The following UQCRB variants were observed in gnomAD, a reference collection of about 807,000 sequenced individuals.
UQCRB encodes cytochrome b-c1 complex subunit 7.
In UQCRB, 12 loss-of-function variants were observed where a neutral mutation model predicts 19.8. That is an observed-to-expected ratio of 0.61 (90% CI 0.39 to 0.98). The LOEUF (loss-of-function observed/expected upper bound fraction) is 0.98. UQCRB is among the 50% of genes least tolerant of loss of function. The pLI, the probability that UQCRB is intolerant of heterozygous loss-of-function variation, is 0.00. For synonymous variants in UQCRB, 39 were observed against 42.9 expected, an observed-to-expected ratio of 0.91 and a Z score of 0.35; for missense variants, 142 against 131.8, an observed-to-expected ratio of 1.08 and a Z score of -0.38.
Position 96,231,877 on chromosome 8 carries a change from G to A in UQCRB, c.155C>T (p.Pro52Leu). Reference protein sequence around the residue: ...EDVKEAIRRLPENLYNDRMFR... With the variant: ...EDVKEAIRRLLENLYNDRMFR... ...CATCCTGTCATTATAAAGGTTCTCA[G>A]GAAGTCTTCTTATGGCTTCTTTTAC... The change falls in exon 3 of 4, where the codon CCT becomes CTT. Residue 52 changes from proline (P) to leucine (L), a missense_variant. Around this residue, in one of 2 missense-constraint regions of UQCRB, gnomAD observed 132 missense variants for 107.5 expected, o/e 1.23. Coordinates refer to ENST00000287022, the MANE Select transcript of UQCRB (RefSeq NM_006294.5). 6.2e-7 allele frequency: 1 copy of A among 1,614,018 alleles called. No homozygotes were observed. Among genetic ancestry groups the A allele is most frequent in the Non-Finnish European group, 8.5e-7 (1 of 1,180,016 alleles).
At chr8:96,233,447 T>C in intron 1 of UQCRB, 1 of 514,990 alleles carries the variant, frequency 1.9e-6, no homozygotes, top group South Asian at 2.5e-5. Context: ...AAAGTGCTTA[T>C]TTTATTTATG....
chr8:96,228,025 T>A lies in UQCRB; in HGVS notation c.*3030A>T, dbSNP rs1235069894. The A allele has an allele frequency of 2.2e-6, 1 of 454,088 alleles. No homozygotes were observed. Among genetic ancestry groups the A allele is most frequent in the East Asian group, 7.0e-5 (1 of 14,382 alleles). The allele number at this position is 454,088 out of a possible 1,614,324, so 28.1% of individuals were successfully genotyped here. On this transcript the variant is annotated 3_prime_UTR_variant, in exon 4 of 4. Transcript: ENST00000287022. ...CTGGAACTAGGACCACAGCTGGCAA[T>A]TGGGGGTCTGAAGGCCCGACATCCC...
At position 96,225,410 on chromosome 8, in the gene UQCRB, GA is replaced by G. The variant is rs1809510212; in HGVS notation, c.*5644del. On this transcript the variant is annotated 3_prime_UTR_variant, in exon 4 of 4. Coordinates refer to ENST00000287022, the MANE Select transcript of UQCRB (RefSeq NM_006294.5). ...AAAAGCAAATTGGAAGTCCAGTATT[GA>G]AAAACTTCAAATATTCATCCCCTTT... is the stretch of plus-strand genomic sequence containing the variant. Among the ~76,000 whole-genome samples, 2 of 152,126 alleles carry G rather than the reference GA, an allele frequency of 1.3e-5. No homozygotes were observed. The highest frequency in any genetic ancestry group is 4.8e-5 in the African/African-American group (2 of 41,432).
In UQCRB at chr8:96,225,197, A is replaced by C. The variant is rs1809506452; in HGVS notation, c.*5858T>G. Among the ~76,000 whole-genome samples the C allele has an allele frequency of 6.6e-6, 1 of 152,138 alleles. No individual in the cohort carries two copies. Among genetic ancestry groups the C allele is most frequent in the Non-Finnish European group, 1.5e-5 (1 of 68,020 alleles). On this transcript the variant is annotated 3_prime_UTR_variant, in exon 4 of 4. Coordinates refer to ENST00000287022, the MANE Select transcript of UQCRB (RefSeq NM_006294.5). ...CATGAACAAGATTGATGAAAGAGAA[A>C]TAACAACTTGATAATAGCATATGGA...
At chr8:96,234,053 GGA>G (rs1276535509) in intron 1 of UQCRB, 4 of 153,346 alleles carry the variant, frequency 2.6e-5, no homozygotes, top group Non-Finnish European at 5.8e-5. Flanking sequence ...TTTTACAAAA[GGA>G]GAGGTAGAAC....
At position 96,230,267 on chromosome 8, in the gene UQCRB, G is replaced by A; in HGVS notation, c.*788C>T. The A allele has an allele frequency of 2.4e-6, 1 of 423,876 alleles. No homozygotes were observed. The highest frequency in any genetic ancestry group is 4.7e-6 in the Non-Finnish European group (1 of 212,186). 26.3% of individuals were successfully genotyped at this position (423,876 alleles called of 1,614,324 possible). A position where few individuals can be genotyped will look rare whatever the true frequency, so the allele number is the denominator to read the frequency against. On this transcript the variant is annotated 3_prime_UTR_variant, in exon 4 of 4. Coordinates refer to ENST00000287022, the MANE Select transcript of UQCRB (RefSeq NM_006294.5). Reference sequence around the variant, plus strand: ...ATTTTTTGTATTTTTAGTAGAGACAGGGTTTCACCATGTTGGCCAGGCTGG... The same window carrying A: ...ATTTTTTGTATTTTTAGTAGAGACAAGGTTTCACCATGTTGGCCAGGCTGG...
rs1267718726 is a variant in UQCRB at position 96,229,669 on chromosome 8, G to C, written c.*1386C>G. On this transcript the variant is annotated 3_prime_UTR_variant, in exon 4 of 4. Coordinates refer to ENST00000287022, the MANE Select transcript of UQCRB (RefSeq NM_006294.5). Reference sequence around the variant, plus strand: ...AAAACCTTGTCACAATGTGACCTGAGCAAAACCATTATCAAGTGATCTAGT... The same window carrying C: ...AAAACCTTGTCACAATGTGACCTGACCAAAACCATTATCAAGTGATCTAGT... 4.4e-6 allele frequency: 2 copies of C among 453,116 alleles called. No homozygotes were observed. The highest frequency in any genetic ancestry group is 1.4e-4 in the East Asian group (2 of 14,326). The allele number at this position is 453,116 out of a possible 1,614,324, so 28.1% of individuals were successfully genotyped here. A position where few individuals can be genotyped will look rare whatever the true frequency, so the allele number is the denominator to read the frequency against.
intron 1 of UQCRB, chr8:96,234,414 C>G (rs1809751209): frequency 1.1e-6 from 1 of 934,924 alleles, no homozygotes; most frequent in Non-Finnish European, 1.5e-6. Context: ...GAAGGGGAAG[C>G]TGGCTTACAG....
chr8:96,231,497 G>T, intron 3 of UQCRB: 1 of 1,533,884 alleles, frequency 6.5e-7, no homozygotes, highest in Non-Finnish European at 8.7e-7. Context: ...GCAGAGTGCA[G>T]AGCTGGAACA....
Position 96,222,976 on chromosome 8 carries a change from C to A in UQCRB, c.*8079G>T, listed in dbSNP as rs1467717449. On this transcript the variant is annotated 3_prime_UTR_variant, in exon 4 of 4. Coordinates refer to ENST00000287022, the MANE Select transcript of UQCRB (RefSeq NM_006294.5). ...GCATGATCTTATTTATTTGTGCAAT[C>A]TAAAACATGTCAAATACATAGAAAC... Among the ~76,000 whole-genome samples the A allele has an allele frequency of 6.6e-6, 1 of 152,062 alleles. No homozygotes were observed. The highest frequency in any genetic ancestry group is 2.4e-5 in the African/African-American group (1 of 41,402).
At chr8:96,234,838 CAAAAAA>C in intron 1 of UQCRB, 1 of 110,554 alleles carries the variant, frequency 9.0e-6, no homozygotes, top group South Asian at 2.3e-4. Context: ...CAGAGATTAG[CAAAAAA>C]AAAAAAAAAG....
At position 96,228,739 on chromosome 8, in the gene UQCRB, G is replaced by A. The variant is rs138602532; in HGVS notation, c.*2316C>T. 6.4e-3 allele frequency: 2,886 copies of A among 454,024 alleles called. 85 individuals are homozygous for A. The highest frequency in any genetic ancestry group is 0.052 in the African/African-American group (2,587 of 50,078). 28.1% of individuals were successfully genotyped at this position (454,024 alleles called of 1,614,324 possible). ...AACTGAAGCACGGAGAGGTTAAATT[G>A]TATTCCTAAAGCACTACACAGTGAG... On this transcript the variant is annotated 3_prime_UTR_variant, in exon 4 of 4. Transcript: ENST00000287022.
At position 96,229,601 on chromosome 8, in the gene UQCRB, C is replaced by G. The variant is rs1232830188; in HGVS notation, c.*1454G>C. ...AAATGCTTTTAAAGGGGGTTCTAGA[C>G]AGCCCATCTTCTTGGCCTCCTTCTG... On this transcript the variant is annotated 3_prime_UTR_variant, in exon 4 of 4. Coordinates refer to ENST00000287022, the MANE Select transcript of UQCRB (RefSeq NM_006294.5). 1.1e-5 allele frequency: 5 copies of G among 454,072 alleles called. No individual in the cohort carries two copies. The highest frequency in any genetic ancestry group is 2.2e-5 in the Non-Finnish European group (5 of 226,784). 28.1% of individuals were successfully genotyped at this position (454,072 alleles called of 1,614,324 possible). A position where few individuals can be genotyped will look rare whatever the true frequency, so the allele number is the denominator to read the frequency against.
At chr8:96,232,422 G>A (rs1586154762) in intron 2 of UQCRB, 2 of 156,458 alleles carry the variant, frequency 1.3e-5, no homozygotes, top group African/African-American at 4.8e-5. Flanking sequence ...AGTAAAAGAT[G>A]AAGTTCATGG....
rs1362410182 is a variant in UQCRB, at chr8:96,230,934, A to G, written c.*121T>C. On this transcript the variant is annotated 3_prime_UTR_variant, in exon 4 of 4. Transcript: ENST00000287022. ...ATAAGGTTTGGAATTCAAAAACTCC[A>G]GCCATTACAATAGACATTTATTTAA... The G allele has an allele frequency of 8.4e-6, 9 of 1,074,668 alleles. No individual in the cohort carries two copies. The highest frequency in any genetic ancestry group is 1.1e-5 in the Non-Finnish European group (8 of 696,852). The allele number at this position is 1,074,668 out of a possible 1,614,324, so 66.6% of individuals were successfully genotyped here. A position where few individuals can be genotyped will look rare whatever the true frequency, so the allele number is the denominator to read the frequency against.
At chr8:96,235,134 A>G in intron 1 of UQCRB, 2 of 404,528 alleles carry the variant, frequency 4.9e-6, no homozygotes, top group South Asian at 2.2e-5. Context: ...TGCACACGAT[A>G]GAGCACTTGG....
In UQCRB at chr8:96,228,659, T is replaced by C. The variant is rs1200480198; in HGVS notation, c.*2396A>G. 2.2e-6 allele frequency: 1 copy of C among 454,036 alleles called. No individual in the cohort carries two copies. The highest frequency in any genetic ancestry group is 6.9e-5 in the East Asian group (1 of 14,410). 28.1% of individuals were successfully genotyped at this position (454,036 alleles called of 1,614,324 possible). ...AGTGCTTGACATGCAGTCAGTTAAT[T>C]TTCACAACTGGGTGAAGTAGGTTTC... On this transcript the variant is annotated 3_prime_UTR_variant, in exon 4 of 4. Transcript: ENST00000287022.
intron 3 of UQCRB, chr8:96,231,366 AATGTCC>A: frequency 6.5e-7 from 1 of 1,542,596 alleles, no homozygotes; most frequent in Admixed American, 2.0e-5. Flanking sequence ...AAAAGAAATG[AATGTCC>A]ACAGGCCTTT....
chr8:96,232,904 G>A (rs1809709379), intron 2 of UQCRB: 3 of 417,844 alleles, frequency 7.2e-6, no homozygotes, highest in Middle Eastern at 6.7e-4. Flanking sequence ...GAAGGAAAAT[G>A]TCTTACTACT....
Sources: gnomAD v4.1 joint callset for allele counts (sites outside exome capture counted in the v4.1 genomes callset) on GRCh38, gnomAD v4.1.1 for gene constraint, gnomAD v4.1.1 regional missense constraint, MANE v1.5 for transcripts, NCBI Gene and HGNC (gene_info 2026-07-23, HGNC 2026-07-21) for gene names.